DNAH11: variants seen among roughly 807,000 people sequenced by gnomAD.
The protein encoded by DNAH11 is axonemal beta dynein heavy chain 11.
DNAH11 carries 442 observed loss-of-function variants against 526.0 expected under a neutral mutation model. That is an observed-to-expected ratio of 0.84 (90% CI 0.78 to 0.91). The LOEUF is 0.91. Among genes scored for constraint, DNAH11 ranks in the 40% least tolerant of loss-of-function variants. The probability of loss-of-function intolerance (pLI) is 0.00; values close to 1 mark genes in which losing one functional copy is unlikely to be tolerated. For missense variants in DNAH11, 6,989 were observed against 5,448.7 expected, an observed-to-expected ratio of 1.28 and a Z score of -8.90; for synonymous variants, 2,461 against 1,935.9, an observed-to-expected ratio of 1.27 and a Z score of -7.12.
At chr7:21,544,921 A>G in intron 1 of DNAH11, 85 bp from the exon 2 acceptor site, 2 of 1,189,488 alleles carry the variant, frequency 1.7e-6, no homozygotes, top group Non-Finnish European at 2.3e-6. Flanking sequence ...TTCTTCTGCT[A>G]GCAATACAGC....
At chr7:21,624,014 T>G (rs1025263320) in intron 25 of DNAH11, among the ~76,000 whole-genome samples, 10 of 151,586 alleles carry the variant, frequency 6.6e-5, no homozygotes, top group Non-Finnish European at 1.2e-4. Context: ...AGAATCCACT[T>G]TCTTAATATC....
chr7:21,822,438 T>G (rs1157857478), intron 65 of DNAH11, among the ~76,000 whole-genome samples: 2 of 152,110 alleles, frequency 1.3e-5, no homozygotes, highest in African/African-American at 4.8e-5. Context: ...GACCCAAACA[T>G]TTCCCACCAG....
chr7:21,754,716 C>G (rs1786554106), intron 54 of DNAH11, among the ~76,000 whole-genome samples: 1 of 152,018 alleles, frequency 6.6e-6, no homozygotes, highest in Non-Finnish European at 1.5e-5. Context: ...AGAAGGGATC[C>G]CACTTCTGAT....
Position 21,872,274 on chromosome 7 carries a change from C to T in DNAH11, c.11968-1000C>T, listed in dbSNP as rs1333207813. ...TGAATTTGGGGGTGCATAATTCTGC[C>T]CACCACATCTACCAGTGTTCATTAT... On this transcript the variant is annotated intron_variant, in intron 73 of 81. Transcript: ENST00000409508. Among the ~76,000 whole-genome samples the T allele has an allele frequency of 3.3e-5, 5 of 151,816 alleles. No individual in the cohort carries two copies. In the East Asian group the frequency reaches 7.7e-4, roughly 23 times the overall value.
chr7:21,771,876 A>G (rs918236018), intron 55 of DNAH11, among the ~76,000 whole-genome samples: 1 of 152,140 alleles, frequency 6.6e-6, no homozygotes, highest in Non-Finnish European at 1.5e-5. Flanking sequence ...AAATAAAATA[A>G]CTGGAGATAA....
At chr7:21,562,552 G>A (rs1783508679) in intron 5 of DNAH11, among the ~76,000 whole-genome samples, 1 of 152,034 alleles carries the variant, frequency 6.6e-6, no homozygotes, top group Non-Finnish European at 1.5e-5. Flanking sequence ...GTGTGGCCTG[G>A]AGATTCAGGA....
intron 2 of DNAH11, among the ~76,000 whole-genome samples, chr7:21,550,413 T>C (rs947234435): frequency 2.0e-5 from 3 of 152,192 alleles, no homozygotes; most frequent in Admixed American, 6.5e-5. Flanking sequence ...GTCTTAAGAA[T>C]TGATCCTTGG....
chr7:21,586,533 A>G (rs1784483366), intron 9 of DNAH11, among the ~76,000 whole-genome samples: 1 of 152,158 alleles, frequency 6.6e-6, no homozygotes, highest in Non-Finnish European at 1.5e-5. Context: ...TTATAGTTAC[A>G]TTTTAGTTTC....
intron 54 of DNAH11, among the ~76,000 whole-genome samples, chr7:21,763,358 A>G (rs111370197): frequency 1.0e-4 from 14 of 134,742 alleles, no homozygotes; most frequent in African/African-American, 3.8e-4. Flanking sequence ...AAAAAAAAAG[A>G]AAAAAAAAAA....
In DNAH11 at chr7:21,704,466, G is replaced by A. The variant is rs1302983140; in HGVS notation, c.6306G>A (p.Met2102Ile). The change falls in exon 38 of 82, where the codon ATG becomes ATA. Residue 2102 changes from methionine (M) to isoleucine (I), a missense_variant. Transcript: ENST00000409508. The stretch of plus-strand genomic sequence containing the variant: ...TGAGAGCATTAAGGGATTTCAATAT[G>A]CCCAAAATAGTGACTGACGACATCC... ...VLMRALRDFN[M>I]PKIVTDDIPV... is the part of the protein sequence containing the mutation. 2 of 1,613,234 alleles carry A rather than the reference G, an allele frequency of 1.2e-6. No homozygotes were observed. The highest frequency in any genetic ancestry group is 1.3e-5 in the African/African-American group (1 of 74,826).
At chr7:21,862,102 C>G in intron 69 of DNAH11, 79 bp downstream of exon 69, 1 of 1,324,520 alleles carries the variant, frequency 7.5e-7, no homozygotes, top group Non-Finnish European at 1.0e-6. Context: ...TTTATTTCTG[C>G]TGAAGCAAAA....
intron 79 of DNAH11, among the ~76,000 whole-genome samples, chr7:21,898,712 C>T (rs1242967802): frequency 1.3e-5 from 2 of 152,194 alleles, no homozygotes; most frequent in Non-Finnish European, 2.9e-5. Context: ...CCTACCTTGC[C>T]CAATTGTGAG....
At chr7:21,569,984 A>G in intron 6 of DNAH11, 85 bp from the exon 7 acceptor site, 1 of 1,146,072 alleles carries the variant, frequency 8.7e-7, no homozygotes, top group Non-Finnish European at 1.2e-6. Context: ...CTGGCATTTA[A>G]AAATGATTCT....
At chr7:21,666,922 C>G (rs1583576642) in intron 30 of DNAH11, among the ~76,000 whole-genome samples, 1 of 151,886 alleles carries the variant, frequency 6.6e-6, no homozygotes, top group East Asian at 1.9e-4. Flanking sequence ...ACATAGTGTT[C>G]CTAGAAATAC....
chr7:21,773,657 A>C (rs1019742664), intron 55 of DNAH11, 109 bp from the exon 56 acceptor site: 16 of 829,348 alleles, frequency 1.9e-5, no homozygotes, highest in Non-Finnish European at 2.1e-5. Context: ...TTATACTATC[A>C]TTTTTTTTTC....
intron 45 of DNAH11, among the ~76,000 whole-genome samples, chr7:21,728,384 A>C (rs2128486565): frequency 6.6e-6 from 1 of 150,586 alleles, no homozygotes; most frequent in Non-Finnish European, 1.5e-5. Flanking sequence ...CAGCCTCCCG[A>C]GTAGATGGGA....
intron 30 of DNAH11, among the ~76,000 whole-genome samples, chr7:21,669,485 A>T (rs1250723036): frequency 6.6e-6 from 1 of 151,912 alleles, no homozygotes; most frequent in Non-Finnish European, 1.5e-5. Flanking sequence ...TTAATTGTTG[A>T]TTGTAGGATT....
At chr7:21,704,721 A>C in intron 38 of DNAH11, 93 bp downstream of exon 38, 1 of 1,368,292 alleles carries the variant, frequency 7.3e-7, no homozygotes. Context: ...GTTAACTTGT[A>C]CCCTAACCTT....
chr7:21,717,967 C>T (rs765565297), intron 43 of DNAH11, 42 bp downstream of exon 43: 52 of 1,565,116 alleles, frequency 3.3e-5, no homozygotes, highest in East Asian at 3.2e-4. Flanking sequence ...AGTTCTGATG[C>T]GGTAGTGTTT....
Sources: allele counts gnomAD v4.1 joint callset (sites outside exome capture counted in the v4.1 genomes callset), GRCh38; gene constraint gnomAD v4.1.1; transcripts MANE v1.5; gene names NCBI Gene and HGNC (gene_info 2026-07-23, HGNC 2026-07-21).